RPS6KC1: variants seen among roughly 807,000 people sequenced by gnomAD.
RPS6KC1 encodes ribosomal protein S6 kinase C1.
In RPS6KC1, 54 loss-of-function variants were observed where a neutral mutation model predicts 103.8. The ratio of observed to expected loss-of-function variants is 0.52; its 90% CI spans 0.42 to 0.65. RPS6KC1 has a LOEUF of 0.65. RPS6KC1 is among the 30% of genes least tolerant of loss of function. RPS6KC1 has a pLI of 0.00. For missense variants in RPS6KC1, 1,151 were observed against 1,253.8 expected, an observed-to-expected ratio of 0.92 and a Z score of 1.24; for synonymous variants, 439 against 438.7, an observed-to-expected ratio of 1.00 and a Z score of -0.01.
the RPS6KC1 span, among the ~76,000 whole-genome samples, chr1:213,458,400 G>T: frequency 6.6e-6 from 1 of 151,784 alleles, no homozygotes; most frequent in Non-Finnish European, 1.5e-5. Context: ...CCAGCCCACC[G>T]TTGATGGACA....
the RPS6KC1 span, among the ~76,000 whole-genome samples, chr1:213,751,524 C>T: frequency 0.04 from 6,021 of 152,222 alleles, 400 homozygotes; most frequent in African/African-American, 0.14. Context: ...TACCACCTGC[C>T]GCTCTAGAAG....
intron 3 of RPS6KC1, among the ~76,000 whole-genome samples, chr1:213,096,364 A>G (rs1174512006): frequency 6.6e-6 from 1 of 152,154 alleles, no homozygotes; most frequent in Non-Finnish European, 1.5e-5. Context: ...CCTCAAAGTC[A>G]TCCATGAGGG....
chr1:213,632,891 C>T, the RPS6KC1 span, among the ~76,000 whole-genome samples: 1 of 152,142 alleles, frequency 6.6e-6, no homozygotes. Flanking sequence ...ATGAGAACTA[C>T]GTGACGCATG....
chr1:213,165,485 G>A (rs890642485), intron 6 of RPS6KC1, among the ~76,000 whole-genome samples: 1 of 151,736 alleles, frequency 6.6e-6, no homozygotes, highest in African/African-American at 2.4e-5. Flanking sequence ...GTGCAGTGGC[G>A]CTATCTTGGC....
the RPS6KC1 span, among the ~76,000 whole-genome samples, chr1:213,747,123 G>C: frequency 1.3e-5 from 2 of 152,102 alleles, no homozygotes; most frequent in African/African-American, 4.8e-5. Context: ...AGGACCCTGG[G>C]ACATTCCAAC....
At chr1:213,466,678 A>G in the RPS6KC1 span, among the ~76,000 whole-genome samples, 56 of 152,208 alleles carry the variant, frequency 3.7e-4, no homozygotes, top group Non-Finnish European at 6.3e-4. Flanking sequence ...TCTGCTCCAG[A>G]TAAGACCTAG....
At chr1:213,345,210 G>A in the RPS6KC1 span, among the ~76,000 whole-genome samples, 1 of 152,140 alleles carries the variant, frequency 6.6e-6, no homozygotes, top group Admixed American at 6.6e-5. Flanking sequence ...ACAGTTTGAT[G>A]AATATTTACA....
At chr1:213,370,156 C>G in the RPS6KC1 span, among the ~76,000 whole-genome samples, 1 of 152,190 alleles carries the variant, frequency 6.6e-6, no homozygotes, top group Non-Finnish European at 1.5e-5. Flanking sequence ...GCTCTTCTTT[C>G]TCTTACCTCC....
At chr1:213,520,063 G>C in the RPS6KC1 span, among the ~76,000 whole-genome samples, 1 of 152,102 alleles carries the variant, frequency 6.6e-6, no homozygotes, top group East Asian at 1.9e-4. Flanking sequence ...CAAACCAATG[G>C]TGGTTCTTAT....
chr1:213,417,704 C>T, the RPS6KC1 span, among the ~76,000 whole-genome samples: 21 of 152,122 alleles, frequency 1.4e-4, no homozygotes, highest in East Asian at 3.9e-4. Context: ...GGCCTGCTTT[C>T]GGGCGGGCTC....
the RPS6KC1 span, among the ~76,000 whole-genome samples, chr1:213,766,788 C>G: frequency 6.6e-6 from 1 of 152,096 alleles, no homozygotes; most frequent in African/African-American, 2.4e-5. Context: ...CTAACTGGCT[C>G]TATCTCATTA....
At chr1:213,668,875 C>T in the RPS6KC1 span, among the ~76,000 whole-genome samples, 1 of 152,234 alleles carries the variant, frequency 6.6e-6, no homozygotes, top group African/African-American at 2.4e-5. Flanking sequence ...TCCTTAACCT[C>T]ATGAACCAAC....
chr1:213,410,487 G>A, the RPS6KC1 span, among the ~76,000 whole-genome samples: 3 of 152,048 alleles, frequency 2.0e-5, no homozygotes, highest in Admixed American at 6.5e-5. Flanking sequence ...GTAGGGGAGG[G>A]GTTTTAAGGA....
chr1:213,647,091 A>C, the RPS6KC1 span, among the ~76,000 whole-genome samples: 19 of 151,978 alleles, frequency 1.3e-4, no homozygotes, highest in Non-Finnish European at 1.6e-4. Flanking sequence ...TTGTATTTTT[A>C]GTAGAGACAA....
rs377731744 is a variant in RPS6KC1 at position 213,116,112 on chromosome 1, G to A, written c.379-1205G>A. ...AGTTCAATTCCTGGGTATCCTTGTT[G>A]ACTTTCTGTCTCGTTGATCTGTCTA... is the stretch of plus-strand genomic sequence containing the variant. On this transcript the variant is annotated intron_variant, in intron 4 of 14. Transcript: ENST00000366960. 2.9e-4 allele frequency among the ~76,000 whole-genome samples: 44 copies of A among 151,894 alleles called. No individual in the cohort carries two copies. The East Asian group carries it at 8.3e-3, about 29-fold the overall frequency.
intron 10 of RPS6KC1, among the ~76,000 whole-genome samples, chr1:213,234,016 T>TC (rs2094165059): frequency 2.3e-5 from 3 of 133,150 alleles, no homozygotes; most frequent in Admixed American, 2.2e-4. Context: ...CTCTCTCTCT[T>TC]TTTTTTTTTT....
At chr1:213,448,260 A>AAAAAG in the RPS6KC1 span, among the ~76,000 whole-genome samples, 1 of 142,548 alleles carries the variant, frequency 7.0e-6, no homozygotes, top group South Asian at 2.2e-4. Context: ...AAAAAGAAAA[A>AAAAAG]AAAGAAACTA....
At chr1:213,487,025 CACCTGAACATCTTTTGGGCCCATCTACT>C in the RPS6KC1 span, among the ~76,000 whole-genome samples, 1 of 152,184 alleles carries the variant, frequency 6.6e-6, no homozygotes, top group Non-Finnish European at 1.5e-5. Flanking sequence ...GCACCTTGAA[CACCTGAACATCTTTTGGGCCCATCTACT>C]TTGATCCATC....
intron 3 of RPS6KC1, among the ~76,000 whole-genome samples, chr1:213,090,662 A>G (rs770696017): frequency 2.6e-4 from 40 of 152,102 alleles, no homozygotes; most frequent in Non-Finnish European, 4.4e-4. Flanking sequence ...TACATGGGAG[A>G]TATATATGAA....
Sources: allele counts gnomAD v4.1 joint callset (sites outside exome capture counted in the v4.1 genomes callset), GRCh38; gene constraint gnomAD v4.1.1; transcripts MANE v1.5; gene names NCBI Gene and HGNC (gene_info 2026-07-23, HGNC 2026-07-21).